Variants in FAM184A observed in about 807,000 individuals in gnomAD.
The protein encoded by FAM184A is family with sequence similarity 184 member A, also known as protein FAM184A.
In FAM184A, 99 loss-of-function variants were observed where a neutral mutation model predicts 143.8. The ratio of observed to expected loss-of-function variants is 0.69; its 90% CI spans 0.58 to 0.81. The LOEUF (loss-of-function observed/expected upper bound fraction) is 0.81, where lower values mean the gene tolerates loss of function less well. Among genes scored for constraint, FAM184A ranks in the 40% least tolerant of loss-of-function variants. FAM184A has a pLI of 0.00. For missense variants in FAM184A, 1,217 were observed against 1,310.5 expected, an observed-to-expected ratio of 0.93 and a Z score of 1.10; for synonymous variants, 427 against 446.4, an observed-to-expected ratio of 0.96 and a Z score of 0.55.
At chr6:119,131,502 T>A (rs977477783) in intron 1 of FAM184A, among the ~76,000 whole-genome samples, 1 of 152,134 alleles carries the variant, frequency 6.6e-6, no homozygotes, top group African/African-American at 2.4e-5. Context: ...TTATTTATTT[T>A]TTGGAGAGGG....
At chr6:119,010,902 G>C (rs1785067215) in intron 6 of FAM184A, among the ~76,000 whole-genome samples, 1 of 152,016 alleles carries the variant, frequency 6.6e-6, no homozygotes, top group Non-Finnish European at 1.5e-5. Context: ...TTTATATCTA[G>C]TCTTAAAAGG....
chr6:118,971,832 G>A (rs941218926), intron 14 of FAM184A, among the ~76,000 whole-genome samples: 26 of 148,142 alleles, frequency 1.8e-4, no homozygotes, highest in African/African-American at 5.5e-4. Flanking sequence ...TCTCCAGGAA[G>A]GGAGTTCAAC....
At chr6:119,147,074 T>G (rs928909196) in intron 1 of FAM184A, among the ~76,000 whole-genome samples, 62 of 118,904 alleles carry the variant, frequency 5.2e-4, no homozygotes, top group Middle Eastern at 4.4e-3. Flanking sequence ...GTTTTTTTTT[T>G]TTTTGTTTTT....
At chr6:119,031,416 AT>A (rs1353568193) in intron 1 of FAM184A, 5 of 152,350 alleles carry the variant, frequency 3.3e-5, no homozygotes, top group Admixed American at 2.0e-4. Context: ...GTGACGACAC[AT>A]CAAGAAGGTG....
chr6:119,014,985 G>A (rs1785195040), intron 5 of FAM184A, among the ~76,000 whole-genome samples: 1 of 152,004 alleles, frequency 6.6e-6, no homozygotes, highest in Non-Finnish European at 1.5e-5. Flanking sequence ...TTTGAACCTG[G>A]GAGGTGGAGG....
chr6:119,003,354 T>C (rs1784822257), intron 8 of FAM184A, 147 bp downstream of exon 8: 6 of 840,958 alleles, frequency 7.1e-6, no homozygotes, highest in African/African-American at 1.8e-5. Flanking sequence ...AAACGGAAAA[T>C]AAATCCAATT....
chr6:119,103,036 AC>A (rs1184378997), intron 1 of FAM184A, among the ~76,000 whole-genome samples: 1 of 152,088 alleles, frequency 6.6e-6, no homozygotes, highest in Non-Finnish European at 1.5e-5. Context: ...TCGGGAGTCA[AC>A]CCTAATTGGT....
chr6:118,987,154 A>G (rs1380255257), intron 9 of FAM184A, among the ~76,000 whole-genome samples: 1 of 152,218 alleles, frequency 6.6e-6, no homozygotes, highest in Non-Finnish European at 1.5e-5. Context: ...TAGGGCTGGC[A>G]TTAGTAAACT....
At chr6:119,015,518 C>T (rs1327944601) in intron 5 of FAM184A, among the ~76,000 whole-genome samples, 1 of 152,204 alleles carries the variant, frequency 6.6e-6, no homozygotes, top group Admixed American at 6.5e-5. Flanking sequence ...GCCAGCCCAC[C>T]GATGCTGCAC....
chr6:119,132,673 C>T (rs756682743), intron 1 of FAM184A, among the ~76,000 whole-genome samples: 9 of 152,218 alleles, frequency 5.9e-5, no homozygotes, highest in East Asian at 1.9e-4. Context: ...ACATTTCTAA[C>T]GGACTTACAG....
intron 1 of FAM184A, among the ~76,000 whole-genome samples, chr6:119,073,245 T>C (rs1045904125): frequency 6.6e-6 from 1 of 152,200 alleles, no homozygotes; most frequent in Non-Finnish European, 1.5e-5. Context: ...ATAAGAGGAC[T>C]TGATGCTAAG....
intron 1 of FAM184A, among the ~76,000 whole-genome samples, chr6:119,111,673 G>C (rs1788937902): frequency 6.6e-6 from 1 of 152,178 alleles, no homozygotes; most frequent in African/African-American, 2.4e-5. Context: ...CTTGTCTGTT[G>C]ATGAACAGAT....
At chr6:119,010,200 T>G (rs907013094) in intron 6 of FAM184A, among the ~76,000 whole-genome samples, 1 of 152,204 alleles carries the variant, frequency 6.6e-6, no homozygotes, top group South Asian at 2.1e-4. Flanking sequence ...TAAACAGTGC[T>G]GAAATTTTGT....
At chr6:119,039,783 T>G (rs1359017870) in intron 1 of FAM184A, among the ~76,000 whole-genome samples, 1 of 152,194 alleles carries the variant, frequency 6.6e-6, no homozygotes, top group African/African-American at 2.4e-5. Flanking sequence ...GGACAGGCCA[T>G]TTCTTGATGG....
chr6:119,004,883 C>G (rs193239267), intron 7 of FAM184A, among the ~76,000 whole-genome samples: 1 of 151,946 alleles, frequency 6.6e-6, no homozygotes, highest in Non-Finnish European at 1.5e-5. Context: ...CCAGGACAGC[C>G]GGGGGAAAGG....
chr6:119,080,078 T>A (rs189338098), upstream of FAM184A, among the ~76,000 whole-genome samples: 624 of 152,354 alleles, frequency 4.1e-3, 2 homozygotes, highest in Non-Finnish European at 7.5e-3. Flanking sequence ...TTCACAGTCA[T>A]TTTAGAACTC....
intron 2 of FAM184A, among the ~76,000 whole-genome samples, 193 bp downstream of exon 2, chr6:119,023,766 G>A (rs767530081): frequency 6.7e-5 from 10 of 149,338 alleles, no homozygotes; most frequent in Non-Finnish European, 1.5e-4. Flanking sequence ...ACAACTACAG[G>A]GTAATACAAA....
chr6:118,994,175 A>C (rs910056051), intron 9 of FAM184A, among the ~76,000 whole-genome samples: 3 of 152,190 alleles, frequency 2.0e-5, no homozygotes, highest in African/African-American at 7.2e-5. Context: ...TTCAGATTGT[A>C]AGCTCCAGGA....
At chr6:119,146,051 G>A (rs1242992485) in intron 1 of FAM184A, among the ~76,000 whole-genome samples, 1 of 152,158 alleles carries the variant, frequency 6.6e-6, no homozygotes, top group Non-Finnish European at 1.5e-5. Context: ...GAGACCATCT[G>A]GGGACAGTCT....
Sources: allele counts gnomAD v4.1 joint callset (sites outside exome capture counted in the v4.1 genomes callset), GRCh38; gene constraint gnomAD v4.1.1; transcripts MANE v1.5; gene names NCBI Gene and HGNC (gene_info 2026-07-23, HGNC 2026-07-21).